Variants in L3MBTL4 observed in about 807,000 individuals in gnomAD.
The protein encoded by L3MBTL4 is L3MBTL histone methyl-lysine binding protein 4.
In L3MBTL4, 70 loss-of-function variants were observed where a neutral mutation model predicts 84.5. The ratio of observed to expected loss-of-function variants is 0.83; its 90% CI spans 0.68 to 1.01. The LOEUF is 1.01. Among genes scored for constraint, L3MBTL4 ranks in the 50% least tolerant of loss-of-function variants. L3MBTL4 has a pLI of 0.00. For synonymous variants in L3MBTL4, 274 were observed against 259.8 expected, an observed-to-expected ratio of 1.05 and a Z score of -0.52; for missense variants, 715 against 754.8, an observed-to-expected ratio of 0.95 and a Z score of 0.62.
intron 1 of L3MBTL4, among the ~76,000 whole-genome samples, chr18:6,360,589 A>G (rs1211032269): frequency 6.6e-6 from 1 of 152,016 alleles, no homozygotes; most frequent in Non-Finnish European, 1.5e-5. Flanking sequence ...GAAGAGAATG[A>G]CATTAGACCA....
chr18:6,391,403 A>G (rs2055044756), intron 1 of L3MBTL4, among the ~76,000 whole-genome samples: 1 of 152,124 alleles, frequency 6.6e-6, no homozygotes, highest in African/African-American at 2.4e-5. Flanking sequence ...AGTTGAAAGC[A>G]TTCCCCATGA....
intron 16 of L3MBTL4, among the ~76,000 whole-genome samples, chr18:6,070,667 CA>C (rs111374684): frequency 1.3e-5 from 2 of 151,340 alleles, no homozygotes; most frequent in African/African-American, 4.8e-5. Context: ...AAACAAAAAA[CA>C]AAAAACAAAA....
intron 16 of L3MBTL4, among the ~76,000 whole-genome samples, chr18:6,033,223 T>C (rs913035948): frequency 2.0e-5 from 3 of 152,238 alleles, no homozygotes; most frequent in Non-Finnish European, 2.9e-5. Context: ...ATTTTATTAA[T>C]ATATAATGTC....
chr18:6,046,808 T>C (rs1439115436), intron 16 of L3MBTL4: 1 of 751,684 alleles, frequency 1.3e-6, no homozygotes, highest in Non-Finnish European at 2.4e-6. Flanking sequence ...GTTAGCAAGA[T>C]CTCAAACTAA....
At chr18:6,120,227 C>T (rs1262201020) in intron 14 of L3MBTL4, among the ~76,000 whole-genome samples, 2 of 152,326 alleles carry the variant, frequency 1.3e-5, no homozygotes, top group Admixed American at 1.3e-4. Flanking sequence ...GAACCGACCA[C>T]GTGCCTCCTA....
chr18:5,976,573 G>T (rs568064225), intron 16 of L3MBTL4, among the ~76,000 whole-genome samples: 1 of 152,164 alleles, frequency 6.6e-6, no homozygotes, highest in Admixed American at 6.5e-5. Context: ...AACAGAAGGC[G>T]TGAAGACAGG....
intron 1 of L3MBTL4, among the ~76,000 whole-genome samples, chr18:6,362,191 GGA>G (rs1568554917): frequency 4.5e-5 from 5 of 111,018 alleles, no homozygotes; most frequent in African/African-American, 1.1e-4. Context: ...AAGGAAGGAA[GGA>G]AGGGAGGGAG....
intron 12 of L3MBTL4, among the ~76,000 whole-genome samples, chr18:6,200,207 G>A (rs78429028): frequency 5.9e-5 from 9 of 152,180 alleles, no homozygotes; most frequent in African/African-American, 1.9e-4. Flanking sequence ...GGGACACAGT[G>A]AATAAGAAGA....
chr18:6,120,825 A>G (rs1355478589), intron 14 of L3MBTL4, among the ~76,000 whole-genome samples: 1 of 152,196 alleles, frequency 6.6e-6, no homozygotes, highest in Non-Finnish European at 1.5e-5. Flanking sequence ...AATGCAGTAC[A>G]GCATCCCACT....
chr18:5,986,560 T>C (rs1394696319), intron 16 of L3MBTL4, among the ~76,000 whole-genome samples: 1 of 152,264 alleles, frequency 6.6e-6, no homozygotes, highest in African/African-American at 2.4e-5. Context: ...TAATTTTTCT[T>C]TTCTTAAACT....
intron 16 of L3MBTL4, among the ~76,000 whole-genome samples, chr18:6,060,151 C>T (rs945199957): frequency 6.6e-6 from 1 of 152,036 alleles, no homozygotes; most frequent in African/African-American, 2.4e-5. Context: ...GGAGAATATT[C>T]ATTACATACT....
At chr18:6,254,061 G>A (rs373914345) in intron 5 of L3MBTL4, among the ~76,000 whole-genome samples, 1 of 152,164 alleles carries the variant, frequency 6.6e-6, no homozygotes, top group Non-Finnish European at 1.5e-5. Flanking sequence ...GGTTCATGAT[G>A]TCTTCGGGCG....
intron 16 of L3MBTL4, among the ~76,000 whole-genome samples, chr18:6,070,866 T>C (rs1358126164): frequency 1.3e-5 from 2 of 151,666 alleles, no homozygotes; most frequent in Admixed American, 1.3e-4. Flanking sequence ...GAAGACACTA[T>C]GAATGAAGTA....
intron 17 of L3MBTL4, among the ~76,000 whole-genome samples, chr18:5,963,046 G>C (rs1486866939): frequency 6.6e-6 from 1 of 152,164 alleles, no homozygotes; most frequent in African/African-American, 2.4e-5. Context: ...TTTTCATAGT[G>C]TCATAGGAGG....
chr18:6,366,250 T>C (rs1335251230), intron 1 of L3MBTL4, among the ~76,000 whole-genome samples: 1 of 152,228 alleles, frequency 6.6e-6, no homozygotes, highest in Admixed American at 6.5e-5. Flanking sequence ...AACTTGAAAA[T>C]GTCTGTCCAC....
At chr18:6,327,766 T>C (rs2051804761) in intron 1 of L3MBTL4, among the ~76,000 whole-genome samples, 1 of 152,216 alleles carries the variant, frequency 6.6e-6, no homozygotes, top group South Asian at 2.1e-4. Flanking sequence ...GAGTTGTTCA[T>C]TTTCTTATTC....
intron 1 of L3MBTL4, among the ~76,000 whole-genome samples, chr18:6,409,973 C>A (rs2055897590): frequency 6.6e-6 from 1 of 152,164 alleles, no homozygotes; most frequent in Non-Finnish European, 1.5e-5. Flanking sequence ...AATTACACCT[C>A]CAAATTACTC....
Position 6,359,111 on chromosome 18 carries a change from G to A in L3MBTL4, c.-90-47055C>T, listed in dbSNP as rs143656227. 3.9e-5 allele frequency among the ~76,000 whole-genome samples: 6 copies of A among 152,278 alleles called. No individual in the cohort carries two copies. In the East Asian group the frequency reaches 1.2e-3, roughly 29 times the overall value. On this transcript the variant is annotated intron_variant, in intron 1 of 18. Transcript: ENST00000317931. ...TAAGACATTCTGAAACTATTTAAAGGTATAAAATTGAGTAACTTACTTAAT... is the reference window on the plus strand; with the variant it reads ...TAAGACATTCTGAAACTATTTAAAGATATAAAATTGAGTAACTTACTTAAT...
At chr18:6,089,830 T>C (rs1414778198) in intron 15 of L3MBTL4, among the ~76,000 whole-genome samples, 1 of 152,230 alleles carries the variant, frequency 6.6e-6, no homozygotes, top group Non-Finnish European at 1.5e-5. Flanking sequence ...ATATGATTGC[T>C]AATGTACTGT....
Sources: allele counts gnomAD v4.1 joint callset (sites outside exome capture counted in the v4.1 genomes callset), GRCh38; gene constraint gnomAD v4.1.1; transcripts MANE v1.5; gene names NCBI Gene and HGNC (gene_info 2026-07-23, HGNC 2026-07-21).